The following FLT3LG variants were observed in gnomAD, a reference collection of about 807,000 sequenced individuals.
The protein encoded by FLT3LG is fms related receptor tyrosine kinase 3 ligand.
A neutral mutation model predicts 30.9 loss-of-function variants in FLT3LG; 8 were observed. The ratio of observed to expected loss-of-function variants is 0.26; its 90% CI spans 0.15 to 0.47. The LOEUF is 0.47. Ranked by LOEUF, FLT3LG falls within the 20% of genes least tolerant of loss-of-function variation. The pLI is 0.99. For missense variants in FLT3LG, 278 were observed against 306.2 expected (o/e 0.91, Z 0.69); for synonymous variants, 123 against 135.9 (o/e 0.91, Z 0.66).
chr19:49,475,836 C>T (rs752813785), intron 3 of FLT3LG, 35 bp downstream of exon 3: 80 of 1,406,918 alleles, frequency 5.7e-5, no homozygotes, highest in Non-Finnish European at 7.3e-5. Context: ...CTCATGTGAT[C>T]CCCCTTCCCC....
At chr19:49,485,141 C>G (rs1330078217) in intron 8 of FLT3LG, among the ~76,000 whole-genome samples, 2 of 149,266 alleles carry the variant, frequency 1.3e-5, no homozygotes, top group African/African-American at 5.1e-5. Context: ...CTGCCTCAGC[C>G]TCCTGAGTAG....
At position 49,476,525 on chromosome 19, in the gene FLT3LG, G is replaced by A. The variant is rs753850158; in HGVS notation, c.301G>A (p.Val101Met). The change falls in exon 5 of 9, where the codon GTG becomes ATG. Residue 101 changes from valine to methionine, a missense_variant. Around this residue, in one of 3 missense-constraint regions of FLT3LG, gnomAD observed 68 missense variants for 110.0 expected, o/e 0.62. Coordinates refer to ENST00000597551, the MANE Select transcript of FLT3LG (RefSeq NM_001459.4). The surrounding 1 kb of genome is among the most constrained non-coding windows in gnomAD (Gnocchi z 5.3). The stretch of plus-strand genomic sequence containing the variant: ...CAAGATGCAAGGCTTGCTGGAGCGC[G>A]TGAACACGGAGATACACTTTGTCAC... ...GSKMQGLLERVNTEIHFVTKC... is the reference protein window; with the variant it reads ...GSKMQGLLERMNTEIHFVTKC... 4.3e-6 allele frequency: 7 copies of A among 1,614,062 alleles called. No individual in the cohort carries two copies. In the Admixed American group the frequency reaches 5.0e-5, roughly 12 times the overall value.
chr19:49,477,002 C>T (rs2079417218), intron 5 of FLT3LG, among the ~76,000 whole-genome samples: 1 of 151,846 alleles, frequency 6.6e-6, no homozygotes, highest in Admixed American at 6.6e-5. Flanking sequence ...CAAAAATTAG[C>T]CGGGCATGGT....
rs1487358533 is a variant in FLT3LG at position 49,476,284 on chromosome 19, TCCCCTC to T, written c.198+90_198+95del. ...CCGAGGCGAGTGGATAACCAGGCCC[TCCCCTC>T]CCCAAACCCAGGAATCAGAGTCCTC... On this transcript the variant is annotated intron_variant, in intron 4 of 8. Transcript: ENST00000597551. The surrounding 1 kb of genome is among the most constrained non-coding windows in gnomAD (Gnocchi z 5.3). 2.8e-6 allele frequency: 4 copies of T among 1,442,662 alleles called. No homozygotes were observed. The African/African-American group carries it at 5.6e-5, about 20-fold the overall frequency. 89.4% of individuals were successfully genotyped at this position (1,442,662 alleles called of 1,614,324 possible). A position where few individuals can be genotyped will look rare whatever the true frequency, so the allele number is the denominator to read the frequency against.
Position 49,476,238 on chromosome 19 carries a change from C to T in FLT3LG, c.198+40C>T. The T allele has an allele frequency of 1.3e-6, 2 of 1,553,828 alleles. No homozygotes were observed. The highest frequency in any genetic ancestry group is 2.2e-5 in the South Asian group (2 of 89,930). ...GAGGGACCTGGGATGGAGGTGGGGA[C>T]CACAGACTCAAGATGCTCCACCGAG... On this transcript the variant is annotated intron_variant, in intron 4 of 8. Transcript: ENST00000597551. This position sits in a 1 kb window ranked among gnomAD's most constrained non-coding sequence, Gnocchi z 5.3.
intron 7 of FLT3LG, 30 bp downstream of exon 7, chr19:49,480,506 G>T (rs1402619428): frequency 6.2e-7 from 1 of 1,601,974 alleles, no homozygotes; most frequent in African/African-American, 1.3e-5. Context: ...GGGGTGAGGG[G>T]GCCGAGAGGG....
At chr19:49,474,574 C>A in intron 1 of FLT3LG, 29 bp from the exon 2 acceptor site, 1 of 1,559,584 alleles carries the variant, frequency 6.4e-7, no homozygotes, top group South Asian at 1.1e-5. Context: ...GCATGAGGGT[C>A]CGAGACTTGT....
At position 49,476,481 on chromosome 19, in the gene FLT3LG, T is replaced by C; in HGVS notation, c.257T>C (p.Leu86Pro). Reference sequence around the variant, plus strand: ...CTGGCACAGCGCTGGATGGAGCGGCTCAAGACTGTCGCTGGGTCCAAGATG... The same window carrying C: ...CTGGCACAGCGCTGGATGGAGCGGCCCAAGACTGTCGCTGGGTCCAAGATG... Reference protein sequence around the residue: ...LVLAQRWMERLKTVAGSKMQG... With the variant: ...LVLAQRWMERPKTVAGSKMQG... The change falls in exon 5 of 9, where the codon CTC (leucine) becomes CCC (proline). Residue 86 changes from leucine to proline, a missense_variant. Coordinates refer to ENST00000597551, the MANE Select transcript of FLT3LG (RefSeq NM_001459.4). The surrounding 1 kb of genome is among the most constrained non-coding windows in gnomAD (Gnocchi z 5.3). 1 of 1,614,086 alleles carries C rather than the reference T, an allele frequency of 6.2e-7. No homozygotes were observed. The highest frequency in any genetic ancestry group is 8.5e-7 in the Non-Finnish European group (1 of 1,180,026).
intron 6 of FLT3LG, among the ~76,000 whole-genome samples, chr19:49,479,339 C>G (rs528292984): frequency 4.0e-4 from 60 of 151,446 alleles, no homozygotes; most frequent in Non-Finnish European, 7.5e-4. Context: ...GGACCACAGG[C>G]GCCCGCCACC....
intron 2 of FLT3LG, 49 bp from the exon 3 acceptor site, chr19:49,475,642 G>A (rs1051487538): frequency 3.0e-5 from 48 of 1,579,450 alleles, no homozygotes; most frequent in Non-Finnish European, 3.9e-5. Flanking sequence ...GGAGGAGGGG[G>A]CTGTGTGTGG....
At position 49,476,872 on chromosome 19, in the gene FLT3LG, C is replaced by T. The variant is rs916412970; in HGVS notation, c.342+306C>T. ...GGGTCTCTAAACTGAGGAGGCCGGG[C>T]GTGGTGGCTCACTCCTGTAATCCTA... On this transcript the variant is annotated intron_variant, in intron 5 of 8. Transcript: ENST00000597551. This position sits in a 1 kb window ranked among gnomAD's most constrained non-coding sequence, Gnocchi z 5.3. The T allele has an allele frequency of 3.8e-5, 13 of 346,258 alleles. No individual in the cohort carries two copies. Among genetic ancestry groups the T allele is most frequent in the Non-Finnish European group, 6.5e-5 (12 of 185,780 alleles). 21.4% of individuals were successfully genotyped at this position (346,258 alleles called of 1,614,324 possible).
At chr19:49,475,395 G>A (rs902978483) in intron 2 of FLT3LG, among the ~76,000 whole-genome samples, 10 of 151,054 alleles carry the variant, frequency 6.6e-5, no homozygotes, top group East Asian at 1.9e-4. Flanking sequence ...GAACCCGGGC[G>A]AGGAAACCAG....
intron 6 of FLT3LG, 50 bp downstream of exon 6, chr19:49,479,097 G>T: frequency 1.9e-6 from 3 of 1,552,566 alleles, no homozygotes; most frequent in Non-Finnish European, 8.7e-7. Context: ...CCTCACGGCC[G>T]CTCCTCCTCT....
chr19:49,484,126 G>T (rs1238945680), intron 8 of FLT3LG, among the ~76,000 whole-genome samples: 2 of 148,686 alleles, frequency 1.3e-5, no homozygotes, highest in Non-Finnish European at 3.0e-5. Context: ...CTCGTGATCT[G>T]CCCGCCTCAG....
Position 49,476,506 on chromosome 19 carries a change from G to A in FLT3LG, c.282G>A (p.Met94Ile), listed in dbSNP as rs1412658092. 4 of 1,614,198 alleles carry A rather than the reference G, an allele frequency of 2.5e-6. No individual in the cohort carries two copies. The South Asian group carries it at 4.4e-5, about 18-fold the overall frequency. Reference protein sequence around the residue: ...ERLKTVAGSKMQGLLERVNTE... With the variant: ...ERLKTVAGSKIQGLLERVNTE... ...TCAAGACTGTCGCTGGGTCCAAGAT[G>A]CAAGGCTTGCTGGAGCGCGTGAACA... The change falls in exon 5 of 9, where the codon ATG (methionine) becomes ATA (isoleucine). Residue 94 changes from methionine (M) to isoleucine (I), a missense_variant. Around this residue, in one of 3 missense-constraint regions of FLT3LG, gnomAD observed 68 missense variants for 110.0 expected, o/e 0.62. Coordinates refer to ENST00000597551, the MANE Select transcript of FLT3LG (RefSeq NM_001459.4). The surrounding 1 kb of genome is among the most constrained non-coding windows in gnomAD (Gnocchi z 5.3).
At chr19:49,479,910 A>C (rs2079543423) in intron 6 of FLT3LG, among the ~76,000 whole-genome samples, 1 of 151,828 alleles carries the variant, frequency 6.6e-6, no homozygotes, top group African/African-American at 2.4e-5. Context: ...GTTCAAGCGA[A>C]TCTTCTGCCT....
Position 49,476,250 on chromosome 19 carries a change from G to C in FLT3LG, c.198+52G>C. The C allele has an allele frequency of 3.9e-6, 6 of 1,524,544 alleles. No homozygotes were observed. The highest frequency in any genetic ancestry group is 5.4e-6 in the Non-Finnish European group (6 of 1,103,780). 94.4% of individuals were successfully genotyped at this position (1,524,544 alleles called of 1,614,324 possible). A position where few individuals can be genotyped will look rare whatever the true frequency, so the allele number is the denominator to read the frequency against. On this transcript the variant is annotated intron_variant, in intron 4 of 8. Transcript: ENST00000597551. This position sits in a 1 kb window ranked among gnomAD's most constrained non-coding sequence, Gnocchi z 5.3. ...ATGGAGGTGGGGACCACAGACTCAA[G>C]ATGCTCCACCGAGGCGAGTGGATAA...
intron 8 of FLT3LG, among the ~76,000 whole-genome samples, chr19:49,483,210 C>T (rs180899831): frequency 3.9e-5 from 6 of 152,164 alleles, no homozygotes; most frequent in East Asian, 1.9e-4. Flanking sequence ...ACTGCAACCT[C>T]GGACTCCCTG....
Position 49,478,928 on chromosome 19 carries a change from GCTT to G in FLT3LG, c.364_366del (p.Phe122del). The G allele has an allele frequency of 6.5e-7, 1 of 1,547,540 alleles. No homozygotes were observed. Among genetic ancestry groups the G allele is most frequent in the Non-Finnish European group, 8.7e-7 (1 of 1,145,524 alleles). On this transcript the variant is annotated inframe_deletion, in exon 6 of 9. Transcript: ENST00000597551. ...TCCCAGCCCCCCCCCAGCTGTCTTC[GCTT>G]CGTCCAGACCAACATCTCCCGCCTC...
Sources: gnomAD v4.1 joint callset for allele counts (sites outside exome capture counted in the v4.1 genomes callset) on GRCh38, gnomAD v4.1.1 for gene constraint, gnomAD v4.1.1 regional missense constraint, Gnocchi (gnomAD v3.1) non-coding constraint, MANE v1.5 for transcripts, NCBI Gene and HGNC (gene_info 2026-07-23, HGNC 2026-07-21) for gene names.